The following CTBS variants were observed in gnomAD, a reference collection of about 807,000 sequenced individuals.
CTBS encodes di-N-acetylchitobiase.
CTBS carries 35 observed loss-of-function variants against 44.3 expected under a neutral mutation model. The ratio of observed to expected loss-of-function variants is 0.79; its 90% CI spans 0.60 to 1.05. CTBS has a LOEUF of 1.05. CTBS is among the 50% of genes least tolerant of loss of function. The probability of loss-of-function intolerance (pLI) is 0.00; values close to 1 mark genes in which losing one functional copy is unlikely to be tolerated. For synonymous variants in CTBS, 143 were observed against 168.0 expected (o/e 0.85, Z 1.15); for missense variants, 458 against 475.3 (o/e 0.96, Z 0.34).
rs182939433 is a variant in CTBS at position 84,566,888 on chromosome 1, G to C, written c.526-876C>G. Among the ~76,000 whole-genome samples the C allele has an allele frequency of 2.9e-4, 44 of 152,232 alleles. No individual in the cohort carries two copies. In the East Asian group the frequency reaches 3.3e-3, roughly 11 times the overall value. Reference sequence around the variant, plus strand: ...GACCTCAGCTGATCTGCCGATCTCAGCCTCCCAAAGTGCTTACAGGCGTGA... The same window carrying C: ...GACCTCAGCTGATCTGCCGATCTCACCCTCCCAAAGTGCTTACAGGCGTGA... On this transcript the variant is annotated intron_variant, in intron 3 of 6. Coordinates refer to ENST00000370630, the MANE Select transcript of CTBS (RefSeq NM_004388.3).
At chr1:84,557,175 T>C (rs1684459984) in intron 6 of CTBS, among the ~76,000 whole-genome samples, 1 of 152,234 alleles carries the variant, frequency 6.6e-6, no homozygotes, top group Non-Finnish European at 1.5e-5. Flanking sequence ...AACAGCCCAA[T>C]AGAGTGATTC....
intron 6 of CTBS, among the ~76,000 whole-genome samples, chr1:84,560,413 A>G (rs1040859430): frequency 1.3e-5 from 2 of 152,228 alleles, no homozygotes; most frequent in African/African-American, 2.4e-5. Context: ...TGTTTGCATT[A>G]GCTCATGCCC....
rs1252854746 is a variant in CTBS at position 84,554,031 on chromosome 1, C to T, written c.*968G>A. ...GCAGCTCATGCCTGTAATCCCAGCT[C>T]TTTAGGAAGCCAAGGCAGGAGGAGT... On this transcript the variant is annotated 3_prime_UTR_variant, in exon 7 of 7. Transcript: ENST00000370630. 1 of 152,060 alleles carries T rather than the reference C, an allele frequency of 6.6e-6. No individual in the cohort carries two copies. The highest frequency in any genetic ancestry group is 1.9e-4 in the East Asian group (1 of 5,186). 9.4% of individuals were successfully genotyped at this position (152,060 alleles called of 1,614,324 possible).
chr1:84,557,903 T>C (rs1031810603), intron 6 of CTBS, among the ~76,000 whole-genome samples: 1 of 151,926 alleles, frequency 6.6e-6, no homozygotes, highest in Non-Finnish European at 1.5e-5. Flanking sequence ...TAGATTTTTT[T>C]CTAAAGTGGC....
rs1684337176 is a variant in CTBS at position 84,553,497 on chromosome 1, TAC to T, written c.*1500_*1501del. ...GAATACTAATATATTTGCATGAAAA[TAC>T]AGACTTCATTTAACTTAATTTGTTC... is the stretch of plus-strand genomic sequence containing the variant. On this transcript the variant is annotated 3_prime_UTR_variant, in exon 7 of 7. Coordinates refer to ENST00000370630, the MANE Select transcript of CTBS (RefSeq NM_004388.3). 3 of 152,174 alleles carry T rather than the reference TAC, an allele frequency of 2.0e-5. No individual in the cohort carries two copies. In the South Asian group the frequency reaches 6.2e-4, roughly 32 times the overall value. The allele number at this position is 152,174 out of a possible 1,614,324, so 9.4% of individuals were successfully genotyped here.
At chr1:84,572,372 G>C (rs1255747659) in intron 1 of CTBS, among the ~76,000 whole-genome samples, 1 of 150,776 alleles carries the variant, frequency 6.6e-6, no homozygotes, top group Non-Finnish European at 1.5e-5. Context: ...TTCTATTTTA[G>C]TTCTGATAAT....
rs1445670305 is a variant in CTBS at position 84,570,081 on chromosome 1, T to C, written c.375A>G (p.Gln125=). ...DPAFRASWIA[Q]KLNLAKTQYM... ...ATTGTGTTTTGGCCAAATTAAGTTT[T>C]TGAGCTATCCAGGATGCTCTGAAAG... is the stretch of plus-strand genomic sequence containing the variant. The change falls in exon 3 of 7, where the codon CAA becomes CAG. Residue 125 remains glutamine (Q), a synonymous_variant. Coordinates refer to ENST00000370630, the MANE Select transcript of CTBS (RefSeq NM_004388.3). 4 of 1,613,738 alleles carry C rather than the reference T, an allele frequency of 2.5e-6. No homozygotes were observed. Among genetic ancestry groups the C allele is most frequent in the South Asian group, 1.1e-5 (1 of 91,068 alleles).
Position 84,550,453 on chromosome 1 carries a change from A to C in CTBS, c.*4546T>G, listed in dbSNP as rs772478536. On this transcript the variant is annotated 3_prime_UTR_variant, in exon 7 of 7. Transcript: ENST00000370630. ...ACAGAATTACCTAATAATCCAGATC[A>C]CTGAGGTACAGCATGCAATTGACCA... is the stretch of plus-strand genomic sequence containing the variant. 1 of 1,553,564 alleles carries C rather than the reference A, an allele frequency of 6.4e-7. No homozygotes were observed. The highest frequency in any genetic ancestry group is 1.2e-5 in the South Asian group (1 of 80,870).
intron 1 of CTBS, among the ~76,000 whole-genome samples, chr1:84,571,756 C>T (rs565428269): frequency 2.0e-5 from 3 of 152,204 alleles, no homozygotes; most frequent in East Asian, 1.9e-4. Flanking sequence ...CAGGGGGCCA[C>T]GCCAGCATAT....
At position 84,551,454 on chromosome 1, in the gene CTBS, C is replaced by T. The variant is rs1345356351; in HGVS notation, c.*3545G>A. ...TGATGATAGAAATGTTCTATGCCTG[C>T]ACTGTCAGATTGGTACCCACTAGCC... On this transcript the variant is annotated 3_prime_UTR_variant, in exon 7 of 7. Coordinates refer to ENST00000370630, the MANE Select transcript of CTBS (RefSeq NM_004388.3). The T allele has an allele frequency of 3.7e-6, 1 of 273,958 alleles. No individual in the cohort carries two copies. Among genetic ancestry groups the T allele is most frequent in the Non-Finnish European group, 5.6e-6 (1 of 179,710 alleles). The allele number at this position is 273,958 out of a possible 1,614,324, so 17.0% of individuals were successfully genotyped here.
intron 1 of CTBS, among the ~76,000 whole-genome samples, chr1:84,571,317 G>A (rs1194079371): frequency 6.6e-6 from 1 of 152,222 alleles, no homozygotes; most frequent in Non-Finnish European, 1.5e-5. Flanking sequence ...AGATCTGGAA[G>A]ATCCTAAGGA....
intron 1 of CTBS, among the ~76,000 whole-genome samples, chr1:84,571,358 G>A (rs928389026): frequency 1.3e-5 from 2 of 152,144 alleles, no homozygotes; most frequent in African/African-American, 2.4e-5. Context: ...GTGACTAATC[G>A]AATGAGTAAT....
In CTBS at chr1:84,568,878, A is replaced by G. The variant is rs117346242; in HGVS notation, c.525+1053T>C. ...TCCACCATGACTGTAAGTTTTCCTG[A>G]GGCCTCCCAAAAGCCAAGCAGATGT... is the stretch of plus-strand genomic sequence containing the variant. On this transcript the variant is annotated intron_variant, in intron 3 of 6. Transcript: ENST00000370630. 7.7e-3 allele frequency among the ~76,000 whole-genome samples: 1,167 copies of G among 152,144 alleles called. 50 individuals are homozygous for G. In the East Asian group the frequency reaches 0.12, roughly 16 times the overall value.
intron 1 of CTBS, among the ~76,000 whole-genome samples, chr1:84,572,266 A>AT (rs1336861636): frequency 5.3e-5 from 8 of 152,032 alleles, no homozygotes; most frequent in Admixed American, 4.6e-4. Context: ...TGCATAACTC[A>AT]TTTTTTCTGC....
At chr1:84,555,287 AC>A (rs1684395645) in intron 6 of CTBS, 88 bp from the exon 7 acceptor site, 1 of 1,005,052 alleles carries the variant, frequency 9.9e-7, no homozygotes, top group Non-Finnish European at 1.4e-6. Context: ...AGTATACAGT[AC>A]AGTAAGAGGG....
chr1:84,551,160 GAACAGAA>G lies in CTBS; in HGVS notation c.*3832_*3838del. Reference sequence around the variant, plus strand: ...ATATGTATTAAAAAGCTTTTTTGTTGAACAGAAAACAGAAGATTATACATTTTCATAC... The same window carrying G: ...ATATGTATTAAAAAGCTTTTTTGTTGAACAGAAGATTATACATTTTCATAC... On this transcript the variant is annotated 3_prime_UTR_variant, in exon 7 of 7. Coordinates refer to ENST00000370630, the MANE Select transcript of CTBS (RefSeq NM_004388.3). 1 of 985,048 alleles carries G rather than the reference GAACAGAA, an allele frequency of 1.0e-6. No individual in the cohort carries two copies. The highest frequency in any genetic ancestry group is 1.2e-6 in the Non-Finnish European group (1 of 829,782). 61.0% of individuals were successfully genotyped at this position (985,048 alleles called of 1,614,324 possible).
chr1:84,554,916 A>G lies in CTBS; in HGVS notation c.*83T>C. 9.4e-7 allele frequency: 1 copy of G among 1,068,608 alleles called. No individual in the cohort carries two copies. 66.2% of individuals were successfully genotyped at this position (1,068,608 alleles called of 1,614,324 possible). On this transcript the variant is annotated 3_prime_UTR_variant, in exon 7 of 7. Transcript: ENST00000370630. ...TTTAGTATACGGATAACAAAAGTAT[A>G]TAGCAACATAATAAAAATGCAAGAA...
At chr1:84,559,496 C>T (rs1684547644) in intron 6 of CTBS, among the ~76,000 whole-genome samples, 1 of 152,002 alleles carries the variant, frequency 6.6e-6, no homozygotes, top group Non-Finnish European at 1.5e-5. Flanking sequence ...GTAGGGCATC[C>T]CTATAACCCC....
rs1647274282 is a variant in CTBS at position 84,570,591 on chromosome 1, C to T, written c.307G>A (p.Val103Ile). Residue 103 changes from valine to isoleucine, a missense_variant, in exon 2 of 7, where the codon GTA (valine) becomes ATA (isoleucine). Transcript: ENST00000370630. Reference sequence around the variant, plus strand: ...TCTGGAAACAACATACCTTTAAGTACTACTCTGGCTCCTTTTGAATGAGCG... The same window carrying T: ...TCTGGAAACAACATACCTTTAAGTATTACTCTGGCTCCTTTTGAATGAGCG... ...CYAHSKGARV[V>I]LKGDVSLKDI... 1 of 1,611,374 alleles carries T rather than the reference C, an allele frequency of 6.2e-7. No individual in the cohort carries two copies. The highest frequency in any genetic ancestry group is 8.5e-7 in the Non-Finnish European group (1 of 1,178,538).
Sources: allele counts gnomAD v4.1 joint callset (sites outside exome capture counted in the v4.1 genomes callset), GRCh38; gene constraint gnomAD v4.1.1; transcripts MANE v1.5; gene names NCBI Gene and HGNC (gene_info 2026-07-23, HGNC 2026-07-21).